DHRS4L2: variants seen among roughly 807,000 people sequenced by gnomAD.
DHRS4L2 encodes the protein dehydrogenase/reductase SDR family member 4-like 2.
Under a neutral mutation model 23.9 loss-of-function variants are expected in DHRS4L2, and 22 were observed. The ratio of observed to expected loss-of-function variants is 0.92; its 90% confidence interval spans 0.66 to 1.31. The LOEUF is 1.31. Among genes scored for constraint, DHRS4L2 ranks in the 40% most tolerant of loss-of-function variants. The pLI is 0.00. For synonymous variants in DHRS4L2, 141 were observed against 123.7 expected (o/e 1.14, Z -0.93); for missense variants, 385 against 303.3 (o/e 1.27, Z -2.00).
upstream of DHRS4L2, among the ~76,000 whole-genome samples, chr14:23,988,337 T>G (rs371723757): frequency 6.8e-6 from 1 of 147,982 alleles, no homozygotes; most frequent in Admixed American, 6.9e-5. Flanking sequence ...ATGACCGTAG[T>G]CTGCCCTCCA....
intron 1 of DHRS4L2, among the ~76,000 whole-genome samples, chr14:23,989,376 G>C (rs1426528803): frequency 6.6e-6 from 1 of 151,692 alleles, no homozygotes; most frequent in Non-Finnish European, 1.5e-5. Context: ...CCTCTGGGAA[G>C]ACCAGAAACT....
At chr14:23,995,380 C>T (rs1001216795) in intron 3 of DHRS4L2, among the ~76,000 whole-genome samples, 4 of 151,728 alleles carry the variant, frequency 2.6e-5, no homozygotes, top group Non-Finnish European at 4.4e-5. Context: ...TGCTCCCCTC[C>T]CCAGGCTTCT....
chr14:23,986,502 T>A (rs1594460497), upstream of DHRS4L2, among the ~76,000 whole-genome samples: 1 of 113,014 alleles, frequency 8.8e-6, no homozygotes, highest in African/African-American at 3.4e-5. Context: ...GAACTTAAAG[T>A]ATAATAAAAA....
At chr14:23,970,480 C>T (rs2033832149) in intron 1 of DHRS4L2, 9 of 351,526 alleles carry the variant, frequency 2.6e-5, no homozygotes, top group South Asian at 1.7e-4. Flanking sequence ...TCTAACTGGG[C>T]GGAACCCACC....
intron 2 of DHRS4L2, among the ~76,000 whole-genome samples, chr14:23,993,807 G>T (rs113414130): frequency 0.012 from 1,845 of 151,700 alleles, 62 homozygotes; most frequent in African/African-American, 0.042. Context: ...ATTCAGGCTG[G>T]TATCTTCTCC....
At chr14:23,991,727 G>A (rs1470439814) in intron 2 of DHRS4L2, among the ~76,000 whole-genome samples, 2 of 145,434 alleles carry the variant, frequency 1.4e-5, no homozygotes, top group African/African-American at 5.1e-5. Context: ...GAGGCCATGG[G>A]CCTCCATATC....
intron 2 of DHRS4L2, chr14:23,991,074 G>A: frequency 5.4e-6 from 1 of 184,282 alleles, no homozygotes. Flanking sequence ...CTTCCCTTGA[G>A]GCTCAGGGCA....
intron 3 of DHRS4L2, 76 bp from the exon 4 acceptor site, chr14:24,000,787 C>T: frequency 1.1e-5 from 14 of 1,321,530 alleles, no homozygotes; most frequent in South Asian, 2.7e-5. Flanking sequence ...TAGGAACCCA[C>T]TCTAACTCCT....
At chr14:23,983,958 C>G (rs112932501), upstream of DHRS4L2, among the ~76,000 whole-genome samples, 138 of 151,414 alleles carry the variant, frequency 9.1e-4, no homozygotes, top group Middle Eastern at 3.4e-3. Flanking sequence ...GTGCGGTAAA[C>G]CACCATGGCA....
chr14:23,982,213 T>A lies in DHRS4L2; in HGVS notation c.-175-7969T>A, dbSNP rs10140294. On this transcript the variant is annotated intron_variant, in intron 1 of 5. Transcript: ENST00000534993. ...GGCTTTCCGCAGTGCATTGTGCCCCTGATTTATTGAGACTGAAGAATGGTG... is the reference window on the plus strand; with the variant it reads ...GGCTTTCCGCAGTGCATTGTGCCCCAGATTTATTGAGACTGAAGAATGGTG... Among the ~76,000 whole-genome samples, 3 of 151,456 alleles carry A rather than the reference T, an allele frequency of 2.0e-5. No individual in the cohort carries two copies. The East Asian group carries it at 5.8e-4, about 29-fold the overall frequency.
At chr14:23,989,103 G>T (rs773590418) in intron 1 of DHRS4L2, 28 bp downstream of exon 1, 1 of 1,552,582 alleles carries the variant, frequency 6.4e-7, no homozygotes, top group South Asian at 1.2e-5. Context: ...AGTTTCTGAG[G>T]CCCTGGCTGC....
intron 1 of DHRS4L2, among the ~76,000 whole-genome samples, chr14:23,976,498 T>G (rs1230734476): frequency 6.6e-6 from 1 of 151,834 alleles, no homozygotes; most frequent in Non-Finnish European, 1.5e-5. Flanking sequence ...GCTTTTAGAC[T>G]GTTGGTGGGA....
upstream of DHRS4L2, among the ~76,000 whole-genome samples, chr14:23,984,085 A>G (rs1212888164): frequency 6.6e-6 from 1 of 151,642 alleles, no homozygotes; most frequent in Non-Finnish European, 1.5e-5. Flanking sequence ...GTTGGAGCAT[A>G]GAAGAAAGAA....
At chr14:23,980,873 C>T (rs2034038580) in intron 1 of DHRS4L2, among the ~76,000 whole-genome samples, 1 of 151,686 alleles carries the variant, frequency 6.6e-6, no homozygotes, top group Non-Finnish European at 1.5e-5. Context: ...AAGCTGGATG[C>T]ATTCCCTTTG....
chr14:23,986,686 C>T (rs968633198), upstream of DHRS4L2, among the ~76,000 whole-genome samples: 24 of 151,404 alleles, frequency 1.6e-4, no homozygotes, highest in African/African-American at 5.8e-4. Flanking sequence ...AACCCTCAGC[C>T]CCTCAGTGGG....
At chr14:23,974,816 A>C (rs1202337193) in intron 1 of DHRS4L2, among the ~76,000 whole-genome samples, 3 of 151,910 alleles carry the variant, frequency 2.0e-5, no homozygotes, top group African/African-American at 7.3e-5. Flanking sequence ...ATTCTACCAG[A>C]GGTACAAAGA....
At chr14:23,985,238 C>G (rs550479623), upstream of DHRS4L2, among the ~76,000 whole-genome samples, 2 of 151,536 alleles carry the variant, frequency 1.3e-5, no homozygotes, top group Admixed American at 1.3e-4. Flanking sequence ...TGGTCACGAC[C>G]CTCAGGCCTT....
chr14:23,984,160 G>T (rs1028396794), upstream of DHRS4L2, among the ~76,000 whole-genome samples: 1 of 151,474 alleles, frequency 6.6e-6, no homozygotes, highest in Admixed American at 6.6e-5. Context: ...ATTTTTAAAA[G>T]AAAAATGCAT....
At chr14:23,982,395 C>T (rs1305730833) in intron 1 of DHRS4L2, among the ~76,000 whole-genome samples, 1 of 151,654 alleles carries the variant, frequency 6.6e-6, no homozygotes, top group Non-Finnish European at 1.5e-5. Flanking sequence ...CAGGGCAAAG[C>T]AATTGTTCAG....
Sources: gnomAD v4.1 joint callset for allele counts (sites outside exome capture counted in the v4.1 genomes callset) on GRCh38, gnomAD v4.1.1 for gene constraint, MANE v1.5 for transcripts, NCBI Gene and HGNC (gene_info 2026-07-23, HGNC 2026-07-21) for gene names.